Variants in EPHB2 observed in about 807,000 individuals in gnomAD.
EPHB2 encodes the protein ephrin type-B receptor 2.
In EPHB2, 18 loss-of-function variants were observed where a neutral mutation model predicts 96.4. The observed-to-expected ratio is 0.19, with a 90% CI of 0.13 to 0.28. The LOEUF (loss-of-function observed/expected upper bound fraction) is 0.28, where lower values mean the gene tolerates loss of function less well. Ranked by LOEUF, EPHB2 falls within the 10% of genes least tolerant of loss-of-function variation. The pLI is 1.00. For missense variants in EPHB2, 989 were observed against 1,355.4 expected (o/e 0.73, Z 4.25); for synonymous variants, 506 against 534.1 (o/e 0.95, Z 0.72).
At chr1:22,730,332 G>A (rs963122327) in intron 1 of EPHB2, among the ~76,000 whole-genome samples, 2 of 152,238 alleles carry the variant, frequency 1.3e-5, no homozygotes, top group East Asian at 1.9e-4. Context: ...ACTTCTTGTG[G>A]GCACTTGGGT....
intron 1 of EPHB2, among the ~76,000 whole-genome samples, chr1:22,756,433 G>A (rs1644151821): frequency 6.6e-6 from 1 of 152,174 alleles, no homozygotes; most frequent in African/African-American, 2.4e-5. Context: ...GCCCTGACCC[G>A]GCCCTGACCC....
intron 1 of EPHB2, among the ~76,000 whole-genome samples, chr1:22,718,953 G>T (rs1643365376): frequency 6.6e-6 from 1 of 152,150 alleles, no homozygotes; most frequent in African/African-American, 2.4e-5. Flanking sequence ...TGGCTCTGAT[G>T]AGGGTCTCTA....
intron 3 of EPHB2, among the ~76,000 whole-genome samples, chr1:22,853,562 G>A (rs984552645): frequency 1.2e-4 from 18 of 152,240 alleles, no homozygotes; most frequent in Non-Finnish European, 2.6e-4. Context: ...CCTAGAAAAG[G>A]ACCAACAGTT....
Position 22,920,168 on chromosome 1 carries a change from T to C in EPHB2, c.*6598T>C, listed in dbSNP as rs1180137102. On this transcript the variant is annotated 3_prime_UTR_variant, in exon 16 of 16. Transcript: ENST00000374630. ...TGGCAGAATTGCATGCATCAGGCCT[T>C]CCTGGGGGTAAAAGGGGCTGGCTGT... 6.6e-6 allele frequency: 1 copy of C among 152,228 alleles called. No individual in the cohort carries two copies. The highest frequency in any genetic ancestry group is 6.5e-5 in the Admixed American group (1 of 15,288). The allele number at this position is 152,228 out of a possible 1,614,324, so 9.4% of individuals were successfully genotyped here. A position where few individuals can be genotyped will look rare whatever the true frequency, so the allele number is the denominator to read the frequency against.
chr1:22,783,336 G>A (rs1159241056), intron 2 of EPHB2, among the ~76,000 whole-genome samples: 1 of 152,182 alleles, frequency 6.6e-6, no homozygotes, highest in Non-Finnish European at 1.5e-5. Context: ...CTCTGCTGTT[G>A]GGGCTCCTTT....
chr1:22,823,673 G>A (rs79822094), intron 3 of EPHB2, among the ~76,000 whole-genome samples: 2,454 of 152,270 alleles, frequency 0.016, 20 homozygotes, highest in African/African-American at 0.026. Context: ...AATAATTTGC[G>A]GGGTGACCTT....
chr1:22,740,551 G>A (rs4612601), intron 1 of EPHB2, among the ~76,000 whole-genome samples: 81,944 of 151,998 alleles, frequency 0.54, 22,742 homozygotes, highest in East Asian at 0.94. Context: ...GATCATCACT[G>A]CGACAACCAC....
intron 3 of EPHB2, among the ~76,000 whole-genome samples, chr1:22,808,401 G>A (rs1184865489): frequency 6.6e-6 from 1 of 152,196 alleles, no homozygotes; most frequent in Admixed American, 6.5e-5. Context: ...TCCCAATGAT[G>A]GCAAGTGAGA....
At chr1:22,865,270 C>T in intron 5 of EPHB2, 58 bp downstream of exon 5, 1 of 1,591,140 alleles carries the variant, frequency 6.3e-7, no homozygotes, top group Non-Finnish European at 8.6e-7. Flanking sequence ...CAGGGAGGGT[C>T]CTGCAGTCCT....
intron 1 of EPHB2, among the ~76,000 whole-genome samples, chr1:22,755,308 A>G (rs1644132065): frequency 6.6e-6 from 1 of 152,162 alleles, no homozygotes; most frequent in Non-Finnish European, 1.5e-5. Flanking sequence ...CTGTCACTGC[A>G]CCGACCTGCT....
chr1:22,899,729 A>G (rs1639689531), intron 9 of EPHB2, among the ~76,000 whole-genome samples: 1 of 152,214 alleles, frequency 6.6e-6, no homozygotes, highest in Non-Finnish European at 1.5e-5. Context: ...GCCATGGTTC[A>G]TGCCTGTATT....
intron 2 of EPHB2, among the ~76,000 whole-genome samples, chr1:22,783,418 C>T (rs1001713482): frequency 2.0e-5 from 3 of 152,202 alleles, no homozygotes; most frequent in Non-Finnish European, 4.4e-5. Flanking sequence ...TGGTTTCCCT[C>T]AGCAAGCTCT....
At position 22,875,597 on chromosome 1, in the gene EPHB2, TTC is replaced by T. The variant is rs1467168652; in HGVS notation, c.1304-6761_1304-6760del. ...GGGAGAATCTGTCTGGTCCCCGCTT[TTC>T]CCTTTCTCCCTTCCTTCCTCCTTCC... On this transcript the variant is annotated intron_variant, in intron 5 of 15. Coordinates refer to ENST00000374630, the MANE Select transcript of EPHB2 (RefSeq NM_017449.5). This position sits in a 1 kb window ranked among gnomAD's most constrained non-coding sequence, Gnocchi z 4.2. 1.3e-5 allele frequency among the ~76,000 whole-genome samples: 2 copies of T among 152,162 alleles called. No individual in the cohort carries two copies. The highest frequency in any genetic ancestry group is 1.3e-4 in the Admixed American group (2 of 15,280).
At chr1:22,845,616 C>T (rs1645530338) in intron 3 of EPHB2, among the ~76,000 whole-genome samples, 3 of 152,126 alleles carry the variant, frequency 2.0e-5, no homozygotes, top group Admixed American at 6.6e-5. Flanking sequence ...TAGAAACAAC[C>T]AGGACTCCTC....
At chr1:22,741,786 T>C (rs1222646081) in intron 1 of EPHB2, among the ~76,000 whole-genome samples, 1 of 149,690 alleles carries the variant, frequency 6.7e-6, no homozygotes, top group African/African-American at 2.5e-5. Flanking sequence ...AAGCTGCAAA[T>C]CCCCACACAC....
intron 3 of EPHB2, among the ~76,000 whole-genome samples, chr1:22,844,374 T>C (rs1645511733): frequency 6.6e-6 from 1 of 152,206 alleles, no homozygotes; most frequent in African/African-American, 2.4e-5. Flanking sequence ...AGGGCTGGGA[T>C]TGGAACCCAG....
rs543596023 is a variant in EPHB2, at chr1:22,806,476, TGGACGGAC to T, written c.811+21424_811+21431del. Among the ~76,000 whole-genome samples, 725 of 144,434 alleles carry T rather than the reference TGGACGGAC, an allele frequency of 5.0e-3. 5 individuals carry two copies. Among genetic ancestry groups the T allele is most frequent in the Admixed American group, 0.011 (148 of 14,072 alleles). The allele number at this position is 144,434 out of a possible 152,430, so 94.8% of individuals were successfully genotyped here. A position where few individuals can be genotyped will look rare whatever the true frequency, so the allele number is the denominator to read the frequency against. ...CTGAGTCAATGAGTGGATGGATGGA[TGGACGGAC>T]GGACGGACGGACGGACGGACGGATG... is the stretch of plus-strand genomic sequence containing the variant. On this transcript the variant is annotated intron_variant, in intron 3 of 15. Transcript: ENST00000374630.
chr1:22,841,922 G>A (rs988580887), intron 3 of EPHB2, among the ~76,000 whole-genome samples: 9 of 152,172 alleles, frequency 5.9e-5, no homozygotes, highest in African/African-American at 2.2e-4. Context: ...CTCTCAGCAT[G>A]AGCTGACATC....
chr1:22,759,517 G>T (rs979535333), intron 1 of EPHB2, among the ~76,000 whole-genome samples: 23 of 152,114 alleles, frequency 1.5e-4, no homozygotes, highest in Non-Finnish European at 5.9e-5. Flanking sequence ...GTACAACCCT[G>T]CAGTAGGCCC....
Sources: allele counts gnomAD v4.1 joint callset (sites outside exome capture counted in the v4.1 genomes callset), GRCh38; gene constraint gnomAD v4.1.1; non-coding constraint Gnocchi (gnomAD v3.1); transcripts MANE v1.5; gene names NCBI Gene and HGNC (gene_info 2026-07-23, HGNC 2026-07-21).